Variants in SPPL3 observed in about 807,000 individuals in gnomAD.
The protein encoded by SPPL3 is signal peptide peptidase like 3, also known as signal peptide peptidase-like 3.
Under a neutral mutation model 42.4 loss-of-function variants are expected in SPPL3, and 5 were observed. The ratio of observed to expected loss-of-function variants is 0.12; its 90% CI spans 0.06 to 0.25. SPPL3 has a LOEUF of 0.25. Among genes scored for constraint, SPPL3 ranks in the 10% least tolerant of loss-of-function variants. The pLI is 1.00. For synonymous variants in SPPL3, 195 were observed against 181.8 expected, an observed-to-expected ratio of 1.07 and a Z score of -0.58; for missense variants, 235 against 489.0, an observed-to-expected ratio of 0.48 and a Z score of 4.90.
chr12:120,775,610 AC>A (rs1869285854), intron 6 of SPPL3, among the ~76,000 whole-genome samples: 1 of 152,222 alleles, frequency 6.6e-6, no homozygotes, highest in Non-Finnish European at 1.5e-5. Context: ...TAGACTGTAA[AC>A]CAGGTTCTAT....
intron 1 of SPPL3, among the ~76,000 whole-genome samples, chr12:120,853,332 G>C (rs1327516361): frequency 6.6e-6 from 1 of 152,150 alleles, no homozygotes; most frequent in Admixed American, 6.6e-5. Flanking sequence ...TCTACAAGCA[G>C]AGAATTCCTG....
intron 2 of SPPL3, among the ~76,000 whole-genome samples, chr12:120,798,039 C>T (rs925738152): frequency 6.6e-6 from 1 of 152,144 alleles, no homozygotes; most frequent in African/African-American, 2.4e-5. Flanking sequence ...TCACCCTGTT[C>T]TCATATAAAT....
intron 2 of SPPL3, among the ~76,000 whole-genome samples, chr12:120,795,060 C>T (rs1870052996): frequency 6.6e-6 from 1 of 152,150 alleles, no homozygotes; most frequent in South Asian, 2.1e-4. Context: ...GCATTTAACT[C>T]TTACATGTTA....
intron 1 of SPPL3, among the ~76,000 whole-genome samples, chr12:120,879,860 A>T (rs1482951684): frequency 6.6e-6 from 1 of 152,148 alleles, no homozygotes; most frequent in Non-Finnish European, 1.5e-5. Context: ...AAAAACTTAC[A>T]TATATATACA....
intron 1 of SPPL3, 129 bp from the exon 2 acceptor site, chr12:120,811,015 T>C (rs950866780): frequency 1.4e-5 from 8 of 567,376 alleles, no homozygotes; most frequent in Admixed American, 3.6e-5. Flanking sequence ...AGGTATAAAT[T>C]AGCATTAACA....
chr12:120,823,649 T>G (rs1006269515), intron 1 of SPPL3, among the ~76,000 whole-genome samples: 9 of 152,200 alleles, frequency 5.9e-5, no homozygotes, highest in Non-Finnish European at 1.2e-4. Context: ...TGGGTGATAC[T>G]GTCTACTCTC....
At chr12:120,846,953 G>C (rs1208996936) in intron 1 of SPPL3, among the ~76,000 whole-genome samples, 7 of 152,196 alleles carry the variant, frequency 4.6e-5, no homozygotes, top group Non-Finnish European at 8.8e-5. Context: ...AAACTCTGTG[G>C]TTAAGCTTGT....
chr12:120,776,498 G>C (rs1869325755), intron 6 of SPPL3, among the ~76,000 whole-genome samples: 1 of 151,890 alleles, frequency 6.6e-6, no homozygotes, highest in Non-Finnish European at 1.5e-5. Flanking sequence ...GAAGTACAAC[G>C]AATAAAATTC....
intron 6 of SPPL3, among the ~76,000 whole-genome samples, chr12:120,780,606 A>AT (rs989143682): frequency 1.4e-5 from 2 of 141,540 alleles, no homozygotes; most frequent in Non-Finnish European, 3.0e-5. Flanking sequence ...AAAAAAAAAA[A>AT]GCTGGGCGTG....
intron 6 of SPPL3, among the ~76,000 whole-genome samples, chr12:120,772,717 T>C (rs1869168724): frequency 6.6e-6 from 1 of 152,184 alleles, no homozygotes; most frequent in Admixed American, 6.5e-5. Context: ...GTTTCATGGG[T>C]TCCTACTGTG....
intron 6 of SPPL3, among the ~76,000 whole-genome samples, chr12:120,782,212 A>C (rs1015047840): frequency 6.6e-6 from 1 of 152,248 alleles, no homozygotes; most frequent in East Asian, 1.9e-4. Flanking sequence ...AAACTTGTAC[A>C]TTAATATTCA....
intron 1 of SPPL3, among the ~76,000 whole-genome samples, chr12:120,849,832 C>T (rs1273888199): frequency 6.6e-6 from 1 of 152,190 alleles, no homozygotes; most frequent in Non-Finnish European, 1.5e-5. Context: ...TCAGGCCTTA[C>T]CACTTCTTTG....
chr12:120,768,294 A>C (rs1476476578), intron 8 of SPPL3, 31 bp downstream of exon 8: 2 of 1,591,602 alleles, frequency 1.3e-6, no homozygotes, highest in Non-Finnish European at 8.6e-7. Context: ...ACAGGAAGAC[A>C]GTGTGGTCCT....
At chr12:120,868,018 ATTACAGG>A (rs2137047448) in intron 1 of SPPL3, among the ~76,000 whole-genome samples, 1 of 152,306 alleles carries the variant, frequency 6.6e-6, no homozygotes, top group South Asian at 2.1e-4. Flanking sequence ...AAATGCTGGG[ATTACAGG>A]CATGGGCCAC....
Position 120,764,880 on chromosome 12 carries a change from A to T in SPPL3, c.*119T>A. 9.5e-7 allele frequency: 1 copy of T among 1,057,272 alleles called. No individual in the cohort carries two copies. Among genetic ancestry groups the T allele is most frequent in the Non-Finnish European group, 1.3e-6 (1 of 750,130 alleles). The allele number at this position is 1,057,272 out of a possible 1,614,324, so 65.5% of individuals were successfully genotyped here. ...CCCTTTAAATGCCAAATCCAGTCAC[A>T]CGGCAGTTCCTTAAACACAGGTACA... On this transcript the variant is annotated 3_prime_UTR_variant, in exon 11 of 11. Transcript: ENST00000353487.
At position 120,901,736 on chromosome 12, in the gene SPPL3, T is replaced by A. The variant is rs533884577; in HGVS notation, c.23+2109A>T. 4.9e-5 allele frequency: 15 copies of A among 309,180 alleles called. No homozygotes were observed. In the East Asian group the frequency reaches 1.7e-3, roughly 35 times the overall value. 19.2% of individuals were successfully genotyped at this position (309,180 alleles called of 1,614,324 possible). On this transcript the variant is annotated intron_variant, in intron 1 of 10. Coordinates refer to ENST00000353487, the MANE Select transcript of SPPL3 (RefSeq NM_139015.5). ...CTAAGCTCCCCGATTTCAAGGAGTT[T>A]CTTTGCCTGTAAAGCAAACAGAGCT... is the stretch of plus-strand genomic sequence containing the variant.
chr12:120,872,932 C>A (rs182298162), intron 1 of SPPL3, among the ~76,000 whole-genome samples: 3 of 152,280 alleles, frequency 2.0e-5, no homozygotes, highest in South Asian at 2.1e-4. Flanking sequence ...TACAGCAAAT[C>A]CAGTGTTCAG....
At chr12:120,771,870 C>T (rs1869135798) in intron 6 of SPPL3, among the ~76,000 whole-genome samples, 2 of 152,212 alleles carry the variant, frequency 1.3e-5, no homozygotes, top group African/African-American at 4.8e-5. Context: ...ACACAATTTC[C>T]CGCTCTCCAC....
intron 1 of SPPL3, among the ~76,000 whole-genome samples, chr12:120,829,063 C>T (rs1321672668): frequency 6.6e-6 from 1 of 152,126 alleles, no homozygotes; most frequent in Non-Finnish European, 1.5e-5. Context: ...TGGGCCCAGA[C>T]TAGGAATAGT....
Sources: gnomAD v4.1 joint callset for allele counts (sites outside exome capture counted in the v4.1 genomes callset) on GRCh38, gnomAD v4.1.1 for gene constraint, MANE v1.5 for transcripts, NCBI Gene and HGNC (gene_info 2026-07-23, HGNC 2026-07-21) for gene names.